TLX3: variants seen among roughly 807,000 people sequenced by gnomAD.
The protein encoded by TLX3 is T-cell leukemia homeobox protein 3.
TLX3 carries 11 observed loss-of-function variants against 19.6 expected under a neutral mutation model. The observed-to-expected ratio is 0.56, with a 90% confidence interval of 0.35 to 0.93. The LOEUF is 0.93. TLX3 is among the 40% of genes least tolerant of loss of function. The probability of loss-of-function intolerance (pLI) is 0.01; values close to 1 mark genes in which losing one functional copy is unlikely to be tolerated. For synonymous variants in TLX3, 221 were observed against 188.1 expected (o/e 1.17, Z -1.43); for missense variants, 375 against 418.6 (o/e 0.90, Z 0.91).
At position 171,311,598 on chromosome 5, in the gene TLX3, G is replaced by A; in HGVS notation, c.875G>A (p.Ter292=). 6.2e-7 allele frequency: 1 copy of A among 1,605,450 alleles called. No individual in the cohort carries two copies. Among genetic ancestry groups the A allele is most frequent in the Non-Finnish European group, 8.5e-7 (1 of 1,176,322 alleles). The change falls in exon 3 of 3, where the codon TGA becomes TAA. Residue 292 remains the stop codon, a stop_retained_variant. Transcript: ENST00000296921. The surrounding 1 kb of genome is among the most constrained non-coding windows in gnomAD (Gnocchi z 5.1). ...GTTCCCGCTGTCACCTCCCTGGTGTGAGCCCACCAGCGCGCACCGTCGCCA... is the reference window on the plus strand; with the variant it reads ...GTTCCCGCTGTCACCTCCCTGGTGTAAGCCCACCAGCGCGCACCGTCGCCA... ...SKVPAVTSLV[*]
At position 171,311,533 on chromosome 5, in the gene TLX3, T is replaced by C. The variant is rs760032713; in HGVS notation, c.810T>C (p.Ala270=). The C allele has an allele frequency of 1.2e-6, 2 of 1,613,298 alleles. No homozygotes were observed. The highest frequency in any genetic ancestry group is 1.7e-5 in the Admixed American group (1 of 59,990). ...PLCLHNSSLF[A]LQNLQPWEED... The stretch of plus-strand genomic sequence containing the variant: ...GTCTGCACAACTCGTCACTCTTTGC[T>C]CTGCAGAATCTGCAGCCCTGGGAGG... Residue 270 remains alanine, a synonymous_variant, in exon 3 of 3, where the codon GCT becomes GCC. Transcript: ENST00000296921. The surrounding 1 kb of genome is among the most constrained non-coding windows in gnomAD (Gnocchi z 5.1).
rs1769222914 is a variant in TLX3, at chr5:171,311,536, G to A, written c.813G>A (p.Leu271=). Residue 271 remains leucine (L), a synonymous_variant, in exon 3 of 3, where the codon CTG becomes CTA. Coordinates refer to ENST00000296921, the MANE Select transcript of TLX3 (RefSeq NM_021025.4). The surrounding 1 kb of genome is among the most constrained non-coding windows in gnomAD (Gnocchi z 5.1). Reference sequence around the variant, plus strand: ...TGCACAACTCGTCACTCTTTGCTCTGCAGAATCTGCAGCCCTGGGAGGAGG... The same window carrying A: ...TGCACAACTCGTCACTCTTTGCTCTACAGAATCTGCAGCCCTGGGAGGAGG... ...LCLHNSSLFA[L]QNLQPWEEDS... The A allele has an allele frequency of 6.2e-7, 1 of 1,613,222 alleles. No homozygotes were observed. The highest frequency in any genetic ancestry group is 1.7e-5 in the Admixed American group (1 of 59,962).
chr5:171,309,562 T>C lies in TLX3; in HGVS notation c.197T>C (p.Leu66Pro), dbSNP rs1769182374. ...YPSLPASFAG[L>P]GAPFEDAGSY... ...TCTCTGCCCGCCTCCTTTGCGGGCC[T>C]CGGCGCGCCCTTCGAGGACGCGGGA... Residue 66 changes from leucine to proline, a missense_variant, in exon 1 of 3, where the codon CTC (leucine) becomes CCC (proline). By Grantham distance (98) the Leu-to-Pro change is moderately conservative. Coordinates refer to ENST00000296921, the MANE Select transcript of TLX3 (RefSeq NM_021025.4). 1.3e-6 allele frequency: 2 copies of C among 1,584,366 alleles called. No individual in the cohort carries two copies. Among genetic ancestry groups the C allele is most frequent in the Non-Finnish European group, 1.7e-6 (2 of 1,166,642 alleles).
In TLX3 at chr5:171,309,411, A is replaced by G; in HGVS notation, c.46A>G (p.Ile16Val). 1 of 1,354,316 alleles carries G rather than the reference A, an allele frequency of 7.4e-7. No homozygotes were observed. The highest frequency in any genetic ancestry group is 1.1e-5 in the South Asian group (1 of 87,704). 83.9% of individuals were successfully genotyped at this position (1,354,316 alleles called of 1,614,324 possible). A position where few individuals can be genotyped will look rare whatever the true frequency, so the allele number is the denominator to read the frequency against. Residue 16 changes from isoleucine (I) to valine (V), a missense_variant, in exon 1 of 3, where the codon ATC (isoleucine) becomes GTC (valine). This residue lies in a region of TLX3 where 239 missense variants were observed against 217.0 expected (regional missense o/e 1.10). Coordinates refer to ENST00000296921, the MANE Select transcript of TLX3 (RefSeq NM_021025.4). The part of the protein sequence containing the change: ...SAQTPHPHEP[I>V]SFGIDQILNS... ...GCAGACCCCGCACCCGCACGAGCCCATCAGCTTCGGCATCGACCAGATCCT... is the reference window on the plus strand; with the variant it reads ...GCAGACCCCGCACCCGCACGAGCCCGTCAGCTTCGGCATCGACCAGATCCT...
chr5:171,310,694 T>C (rs1769205166), intron 2 of TLX3, among the ~76,000 whole-genome samples: 1 of 148,262 alleles, frequency 6.7e-6, no homozygotes, highest in South Asian at 2.2e-4. Context: ...CTGCGTTCAC[T>C]TGATTTCCTC....
Position 171,309,327 on chromosome 5 carries a change from T to TGCCCCCCCCCCCCCCC in TLX3, c.-39_-38insGCCCCCCCCCCCCCCC. 5.1e-6 allele frequency: 5 copies of TGCCCCCCCCCCCCCCC among 976,974 alleles called. No homozygotes were observed. The highest frequency in any genetic ancestry group is 2.8e-5 in the East Asian group (1 of 35,738). 60.5% of individuals were successfully genotyped at this position (976,974 alleles called of 1,614,324 possible). ...GCGCCGTAACGGGGACCCAGCCGCC[T>TGCCCCCCCCCCCCCCC]CCCCGCCCAGCCCAGCCCAGCCCTT... is the stretch of plus-strand genomic sequence containing the variant. On this transcript the variant is annotated 5_prime_UTR_variant, in exon 1 of 3. Coordinates refer to ENST00000296921, the MANE Select transcript of TLX3 (RefSeq NM_021025.4).
intron 2 of TLX3, among the ~76,000 whole-genome samples, chr5:171,310,855 C>G (rs1349821900): frequency 6.6e-6 from 1 of 152,024 alleles, no homozygotes; most frequent in Non-Finnish European, 1.5e-5. Flanking sequence ...CCTCTCCCCC[C>G]ATCTCCGCGT....
At chr5:171,310,114 G>T (rs1331459958) in intron 1 of TLX3, 36 bp from the exon 2 acceptor site, 21 of 1,540,112 alleles carry the variant, frequency 1.4e-5, no homozygotes, top group Non-Finnish European at 1.8e-5. Flanking sequence ...TGGCGGAGCC[G>T]GGCTGGGCTT....
rs754078876 is a variant in TLX3 at position 171,310,156 on chromosome 5, C to T, written c.428C>T (p.Ala143Val). 1.2e-5 allele frequency: 18 copies of T among 1,549,246 alleles called. No homozygotes were observed. The highest frequency in any genetic ancestry group is 5.9e-5 in the Admixed American group (3 of 50,998). ...RFVKDRFTAA[A>V]ALTPFTVTRR... ...CCCTCCTGTGTCTCCGCAGCGGCGG[C>T]CGCACTCACGCCCTTCACCGTGACC... Residue 143 changes from alanine (A) to valine (V), a missense_variant, in exon 2 of 3, where the codon GCC becomes GTC. By Grantham distance (64) the Ala-to-Val change is moderately conservative. Around this residue, in one of 3 missense-constraint regions of TLX3, gnomAD observed 239 missense variants for 217.0 expected, o/e 1.10. Coordinates refer to ENST00000296921, the MANE Select transcript of TLX3 (RefSeq NM_021025.4).
rs1769228840 is a variant in TLX3 at position 171,311,801 on chromosome 5, C to G, written c.*202C>G. On this transcript the variant is annotated 3_prime_UTR_variant, in exon 3 of 3. Transcript: ENST00000296921. The surrounding 1 kb of genome is among the most constrained non-coding windows in gnomAD (Gnocchi z 5.1). ...TCCGCGCGGCCGCACAATCCGAGCC[C>G]CCGCCCCGCGCCCCGTCCCGCCCCA... 1 of 387,532 alleles carries G rather than the reference C, an allele frequency of 2.6e-6. No homozygotes were observed. Among genetic ancestry groups the G allele is most frequent in the South Asian group, 9.2e-5 (1 of 10,912 alleles). 24.0% of individuals were successfully genotyped at this position (387,532 alleles called of 1,614,324 possible). A position where few individuals can be genotyped will look rare whatever the true frequency, so the allele number is the denominator to read the frequency against.
rs1327979980 is a variant in TLX3 at position 171,311,614 on chromosome 5, A to G, written c.*15A>G. 1.7e-5 allele frequency: 27 copies of G among 1,585,812 alleles called. No individual in the cohort carries two copies. Among genetic ancestry groups the G allele is most frequent in the Non-Finnish European group, 2.0e-5 (23 of 1,164,262 alleles). On this transcript the variant is annotated 3_prime_UTR_variant, in exon 3 of 3. Transcript: ENST00000296921. The surrounding 1 kb of genome is among the most constrained non-coding windows in gnomAD (Gnocchi z 5.1). ...CCCTGGTGTGAGCCCACCAGCGCGCACCGTCGCCACGGATCGCCGCCCCCA... is the reference window on the plus strand; with the variant it reads ...CCCTGGTGTGAGCCCACCAGCGCGCGCCGTCGCCACGGATCGCCGCCCCCA...
Position 171,309,337 on chromosome 5 carries a change from G to T in TLX3, c.-29G>T. The T allele has an allele frequency of 4.0e-6, 2 of 505,626 alleles. No homozygotes were observed. The highest frequency in any genetic ancestry group is 3.5e-6 in the Non-Finnish European group (1 of 288,610). The allele number at this position is 505,626 out of a possible 1,614,324, so 31.3% of individuals were successfully genotyped here. On this transcript the variant is annotated 5_prime_UTR_variant, in exon 1 of 3. Coordinates refer to ENST00000296921, the MANE Select transcript of TLX3 (RefSeq NM_021025.4). ...GGGGACCCAGCCGCCTCCCCGCCCA[G>T]CCCAGCCCAGCCCTTCCGCCCGCCC...
In TLX3 at chr5:171,310,288, G is replaced by C; in HGVS notation, c.560G>C (p.Arg187Pro). The part of the protein sequence containing the change: ...QICELEKRFH[R>P]QKYLASAERA... ...TGCGAGCTGGAAAAGCGCTTCCATC[G>C]CCAGAAGTACCTGGCCTCTGCCGAG... The change falls in exon 2 of 3, where the codon CGC (arginine) becomes CCC (proline). Residue 187 changes from arginine to proline, a missense_variant. This residue lies in a region of TLX3 where 74 missense variants were observed against 138.6 expected (regional missense o/e 0.53). Transcript: ENST00000296921. 6.3e-7 allele frequency: 1 copy of C among 1,596,772 alleles called. No individual in the cohort carries two copies. Among genetic ancestry groups the C allele is most frequent in the Non-Finnish European group, 8.5e-7 (1 of 1,172,084 alleles).
chr5:171,309,393 C>G lies in TLX3; in HGVS notation c.28C>G (p.Pro10Ala). 6.2e-7 allele frequency: 1 copy of G among 1,604,260 alleles called. No individual in the cohort carries two copies. Among genetic ancestry groups the G allele is most frequent in the Non-Finnish European group, 8.5e-7 (1 of 1,176,626 alleles). The change falls in exon 1 of 3, where the codon CCG becomes GCG. Residue 10 changes from proline to alanine, a missense_variant. By Grantham distance (27) the Pro-to-Ala change is conservative. Transcript: ENST00000296921. ...GGAGGCGCCCGCCAGCGCGCAGACC[C>G]CGCACCCGCACGAGCCCATCAGCTT... Reference protein sequence around the residue: MEAPASAQTPHPHEPISFGI... With the variant: MEAPASAQTAHPHEPISFGI...
intron 1 of TLX3, 46 bp downstream of exon 1, chr5:171,309,832 G>T: frequency 6.6e-7 from 1 of 1,505,638 alleles, no homozygotes; most frequent in Non-Finnish European, 8.8e-7. Flanking sequence ...CCCTCTCGGG[G>T]CCAGAGGCGC....
At position 171,309,399 on chromosome 5, in the gene TLX3, C is replaced by T. The variant is rs556389857; in HGVS notation, c.34C>T (p.Pro12Ser). Residue 12 changes from proline to serine, a missense_variant, in exon 1 of 3, where the codon CCG (proline) becomes TCG (serine). Transcript: ENST00000296921. ...GCCCGCCAGCGCGCAGACCCCGCACCCGCACGAGCCCATCAGCTTCGGCAT... is the reference window on the plus strand; with the variant it reads ...GCCCGCCAGCGCGCAGACCCCGCACTCGCACGAGCCCATCAGCTTCGGCAT... ...EAPASAQTPH[P>S]HEPISFGIDQ... The T allele has an allele frequency of 6.2e-7, 1 of 1,604,996 alleles. No homozygotes were observed. Among genetic ancestry groups the T allele is most frequent in the East Asian group, 2.3e-5 (1 of 43,856 alleles).
chr5:171,310,166 G>T lies in TLX3; in HGVS notation c.438G>T (p.Thr146=), dbSNP rs1298948799. ...TCTCCGCAGCGGCGGCCGCACTCAC[G>T]CCCTTCACCGTGACCCGGCGCATCG... is the stretch of plus-strand genomic sequence containing the variant. ...KDRFTAAAAL[T]PFTVTRRIGH... Residue 146 remains threonine (T), a synonymous_variant, in exon 2 of 3, where the codon ACG becomes ACT. Transcript: ENST00000296921. The T allele has an allele frequency of 1.2e-5, 19 of 1,550,462 alleles. No individual in the cohort carries two copies. Among genetic ancestry groups the T allele is most frequent in the Admixed American group, 1.2e-4 (6 of 51,046 alleles).
Position 171,311,900 on chromosome 5 carries a change from T to C in TLX3, c.*301T>C. On this transcript the variant is annotated 3_prime_UTR_variant, in exon 3 of 3. Coordinates refer to ENST00000296921, the MANE Select transcript of TLX3 (RefSeq NM_021025.4). This position sits in a 1 kb window ranked among gnomAD's most constrained non-coding sequence, Gnocchi z 5.1. ...GCACCCCCCGGGCCGGGCGCCTGTA[T>C]TATACTTTGTACTTTTGCCCAAACG... is the stretch of plus-strand genomic sequence containing the variant. The C allele has an allele frequency of 3.9e-6, 1 of 255,964 alleles. No individual in the cohort carries two copies. The highest frequency in any genetic ancestry group is 7.4e-6 in the Non-Finnish European group (1 of 134,460). The allele number at this position is 255,964 out of a possible 1,614,324, so 15.9% of individuals were successfully genotyped here.
chr5:171,310,060 C>A, intron 1 of TLX3, 90 bp from the exon 2 acceptor site: 1 of 1,464,478 alleles, frequency 6.8e-7, no homozygotes, highest in Admixed American at 2.5e-5. Flanking sequence ...CGGAGCTCTC[C>A]GTGTCCCACG....
Sources: gnomAD v4.1 joint callset for allele counts (sites outside exome capture counted in the v4.1 genomes callset) on GRCh38, gnomAD v4.1.1 for gene constraint, gnomAD v4.1.1 regional missense constraint, Gnocchi (gnomAD v3.1) non-coding constraint, MANE v1.5 for transcripts, NCBI Gene and HGNC (gene_info 2026-07-23, HGNC 2026-07-21) for gene names.